The following RABGAP1L variants were observed in gnomAD, a reference collection of about 807,000 sequenced individuals.
RABGAP1L encodes rab GTPase-activating protein 1-like.
RABGAP1L carries 63 observed loss-of-function variants against 137.7 expected under a neutral mutation model. The ratio of observed to expected loss-of-function variants is 0.46; its 90% CI spans 0.37 to 0.56. The LOEUF is 0.56. RABGAP1L is among the 20% of genes least tolerant of loss of function. The pLI, the probability that RABGAP1L is intolerant of heterozygous loss-of-function variation, is 0.00. For missense variants in RABGAP1L, 1,095 were observed against 1,244.0 expected, an observed-to-expected ratio of 0.88 and a Z score of 1.80; for synonymous variants, 431 against 433.7, an observed-to-expected ratio of 0.99 and a Z score of 0.08.
intron 19 of RABGAP1L, among the ~76,000 whole-genome samples, chr1:174,864,777 T>C (rs1274715088): frequency 2.0e-5 from 3 of 152,148 alleles, no homozygotes; most frequent in Non-Finnish European, 4.4e-5. Flanking sequence ...TACCAGCAAA[T>C]TTTCTTACTG....
chr1:174,327,991 A>ATG, intron 11 of RABGAP1L, among the ~76,000 whole-genome samples: 4 of 38,038 alleles, frequency 1.1e-4, no homozygotes, highest in African/African-American at 3.8e-4. Context: ...ACACACATAT[A>ATG]TATATATATA....
intron 19 of RABGAP1L, among the ~76,000 whole-genome samples, chr1:174,941,518 A>G (rs998733755): frequency 7.2e-5 from 11 of 152,194 alleles, no homozygotes; most frequent in African/African-American, 2.7e-4. Flanking sequence ...CAGGTAGCCT[A>G]ATGCCTGCAC....
intron 13 of RABGAP1L, among the ~76,000 whole-genome samples, chr1:174,492,254 C>T (rs975670919): frequency 6.7e-6 from 1 of 148,882 alleles, no homozygotes; most frequent in Admixed American, 6.7e-5. Context: ...AACCTTGGCT[C>T]ACTGCAACCT....
intron 11 of RABGAP1L, among the ~76,000 whole-genome samples, chr1:174,366,688 T>C (rs1186141987): frequency 2.1e-5 from 3 of 143,036 alleles, no homozygotes; most frequent in Non-Finnish European, 4.5e-5. Context: ...GACAGGAGAA[T>C]CACTTGAACC....
At chr1:174,508,459 A>G (rs1377249262) in intron 13 of RABGAP1L, among the ~76,000 whole-genome samples, 5 of 152,168 alleles carry the variant, frequency 3.3e-5, no homozygotes, top group Admixed American at 6.5e-5. Flanking sequence ...GTAGTTTTCA[A>G]TCATTTCTGC....
intron 18 of RABGAP1L, among the ~76,000 whole-genome samples, chr1:174,787,434 A>G (rs1292696975): frequency 2.0e-5 from 3 of 151,996 alleles, no homozygotes; most frequent in Non-Finnish European, 4.4e-5. Context: ...AGAGAAAGTG[A>G]CATCTGACTC....
At chr1:174,536,640 C>T (rs960124814) in intron 13 of RABGAP1L, among the ~76,000 whole-genome samples, 13 of 152,026 alleles carry the variant, frequency 8.6e-5, no homozygotes, top group South Asian at 8.3e-4. Context: ...TAGCCTAAGT[C>T]ACTGATTAGA....
chr1:174,318,003 A>G (rs1425082216), intron 11 of RABGAP1L, among the ~76,000 whole-genome samples: 1 of 150,282 alleles, frequency 6.7e-6, no homozygotes, highest in Non-Finnish European at 1.5e-5. Context: ...CATGTCACTG[A>G]TGCCAGGGGT....
intron 20 of RABGAP1L, among the ~76,000 whole-genome samples, chr1:174,967,198 C>G (rs1020316824): frequency 4.0e-5 from 6 of 149,940 alleles, no homozygotes; most frequent in Non-Finnish European, 8.9e-5. Flanking sequence ...GGTTCTCACT[C>G]TGTCACCCAG....
At chr1:174,528,374 A>G (rs1343160921) in intron 13 of RABGAP1L, among the ~76,000 whole-genome samples, 1 of 151,832 alleles carries the variant, frequency 6.6e-6, no homozygotes, top group Non-Finnish European at 1.5e-5. Flanking sequence ...TCCCTTGAGC[A>G]TTTCTTGTAG....
At chr1:174,246,372 A>G (rs893704382) in intron 5 of RABGAP1L, 3 of 152,150 alleles carry the variant, frequency 2.0e-5, no homozygotes, top group Non-Finnish European at 2.9e-5. Flanking sequence ...ATTTGTGTGT[A>G]TGTGTTTTAA....
intron 7 of RABGAP1L, among the ~76,000 whole-genome samples, chr1:174,254,781 A>G (rs1216505827): frequency 6.6e-6 from 1 of 152,202 alleles, no homozygotes; most frequent in Middle Eastern, 3.2e-3. Context: ...TATTGTGAAT[A>G]GTGCTGCAGT....
chr1:174,355,011 G>A (rs1683499541), intron 11 of RABGAP1L, among the ~76,000 whole-genome samples: 1 of 152,106 alleles, frequency 6.6e-6, no homozygotes, highest in Non-Finnish European at 1.5e-5. Flanking sequence ...TTACACTGTT[G>A]GTGGGACTGT....
chr1:174,868,335 G>T lies in RABGAP1L; in HGVS notation c.2340+56375G>T, dbSNP rs373607068. ...AATTAAATCTGCTACAAAGTATTGT[G>T]TAAGAACTAAAAGAGATAATGAAAT... On this transcript the variant is annotated intron_variant, in intron 19 of 25. Coordinates refer to ENST00000681986, the MANE Select transcript of RABGAP1L (RefSeq NM_001366446.1). Among the ~76,000 whole-genome samples the T allele has an allele frequency of 1.1e-4, 17 of 152,284 alleles. 1 individual carries two copies. The South Asian group carries it at 2.9e-3, about 26-fold the overall frequency.
At chr1:174,462,634 G>A (rs936601540) in intron 13 of RABGAP1L, among the ~76,000 whole-genome samples, 7 of 152,098 alleles carry the variant, frequency 4.6e-5, no homozygotes, top group Admixed American at 3.3e-4. Flanking sequence ...TCTCATCACC[G>A]AGGTAGTGAG....
intron 5 of RABGAP1L, among the ~76,000 whole-genome samples, chr1:174,249,693 T>A (rs1319670254): frequency 6.6e-6 from 1 of 151,272 alleles, no homozygotes; most frequent in East Asian, 1.9e-4. Flanking sequence ...TCACCCAGGC[T>A]GGAGTGCGGT....
In RABGAP1L at chr1:174,892,724, TTTTC is replaced by T. The variant is rs879220654; in HGVS notation, c.2341-64725_2341-64722del. 224 of 479,768 alleles carry T rather than the reference TTTTC, an allele frequency of 4.7e-4. 6 individuals carry two copies. Among genetic ancestry groups the T allele is most frequent in the Admixed American group, 6.1e-4 (25 of 41,130 alleles). The allele number at this position is 479,768 out of a possible 1,614,324, so 29.7% of individuals were successfully genotyped here. ...TGCTTCAGGCTACCTCATTTCTTTGTTTTCTTTCTTTTTTTTTTTTTTGTGATGG... is the reference window on the plus strand; with the variant it reads ...TGCTTCAGGCTACCTCATTTCTTTGTTTTCTTTTTTTTTTTTTTGTGATGG... On this transcript the variant is annotated intron_variant, in intron 19 of 25. Transcript: ENST00000681986.
intron 7 of RABGAP1L, 96 bp from the exon 8 acceptor site, chr1:174,272,318 C>T: frequency 1.6e-6 from 2 of 1,281,762 alleles, no homozygotes; most frequent in South Asian, 3.2e-5. Flanking sequence ...ATACAGAGCT[C>T]AGATTGTATA....
chr1:174,768,054 C>A (rs971846612), intron 18 of RABGAP1L, among the ~76,000 whole-genome samples: 1 of 152,156 alleles, frequency 6.6e-6, no homozygotes, highest in Non-Finnish European at 1.5e-5. Flanking sequence ...GGGAATTATG[C>A]GAGTACAATT....
Sources: gnomAD v4.1 joint callset for allele counts (sites outside exome capture counted in the v4.1 genomes callset) on GRCh38, gnomAD v4.1.1 for gene constraint, MANE v1.5 for transcripts, NCBI Gene and HGNC (gene_info 2026-07-23, HGNC 2026-07-21) for gene names.